The following VGLL3 variants were observed in gnomAD, a reference collection of about 807,000 sequenced individuals.
VGLL3 encodes transcription cofactor vestigial-like protein 3.
Under a neutral mutation model 29.2 loss-of-function variants are expected in VGLL3, and 18 were observed. The ratio of observed to expected loss-of-function variants is 0.62; its 90% CI spans 0.43 to 0.91. The LOEUF (loss-of-function observed/expected upper bound fraction) is 0.91. Ranked by LOEUF, VGLL3 falls within the 40% of genes least tolerant of loss-of-function variation. The pLI is 0.00. For synonymous variants in VGLL3, 180 were observed against 151.8 expected (o/e 1.19, Z -1.36); for missense variants, 440 against 413.2 (o/e 1.06, Z -0.56).
At chr3:86,967,336 C>G (rs1038133200) in intron 3 of VGLL3, among the ~76,000 whole-genome samples, 8 of 152,152 alleles carry the variant, frequency 5.3e-5, no homozygotes, top group South Asian at 2.1e-4. Context: ...AGAAGGGAAG[C>G]CTGTGCCTGC....
At chr3:86,978,385 G>C in intron 2 of VGLL3, 141 bp downstream of exon 2, 2 of 999,930 alleles carry the variant, frequency 2.0e-6, no homozygotes, top group East Asian at 4.9e-5. Context: ...CTGTTTGTCT[G>C]AAAGAAATTC....
At chr3:86,976,726 T>C (rs564927664) in intron 2 of VGLL3, among the ~76,000 whole-genome samples, 1 of 152,334 alleles carries the variant, frequency 6.6e-6, no homozygotes, top group South Asian at 2.1e-4. Context: ...ATTTTGAATA[T>C]GATTCTATAG....
chr3:86,964,627 T>C (rs143378940), intron 3 of VGLL3, among the ~76,000 whole-genome samples: 23 of 152,258 alleles, frequency 1.5e-4, no homozygotes, highest in African/African-American at 5.3e-4. Flanking sequence ...TTAGTGCCCT[T>C]ATAAAAGAGA....
chr3:86,945,115 G>A lies in VGLL3; in HGVS notation c.*1909C>T, dbSNP rs187633954. 2.6e-5 allele frequency: 4 copies of A among 152,136 alleles called. No homozygotes were observed. Among genetic ancestry groups the A allele is most frequent in the African/African-American group, 7.2e-5 (3 of 41,418 alleles). 9.4% of individuals were successfully genotyped at this position (152,136 alleles called of 1,614,324 possible). A position where few individuals can be genotyped will look rare whatever the true frequency, so the allele number is the denominator to read the frequency against. On this transcript the variant is annotated 3_prime_UTR_variant, in exon 4 of 4. Coordinates refer to ENST00000398399, the MANE Select transcript of VGLL3 (RefSeq NM_016206.4). ...AGTTCATATTATTAGTGAGTGGAAG[G>A]TATCTTAAATTTGGACCCCACAATG...
intron 3 of VGLL3, among the ~76,000 whole-genome samples, chr3:86,965,003 C>G (rs564085746): frequency 1.9e-4 from 29 of 151,866 alleles, no homozygotes; most frequent in African/African-American, 7.0e-4. Context: ...ACTAAAAATA[C>G]AAAATTAGCC....
intron 3 of VGLL3, among the ~76,000 whole-genome samples, chr3:86,961,610 C>T (rs1191056861): frequency 2.0e-5 from 3 of 152,148 alleles, no homozygotes; most frequent in African/African-American, 7.2e-5. Context: ...ATTTAACTCT[C>T]TCCTTCCTTA....
Position 86,990,946 on chromosome 3 carries a change from C to A in VGLL3, c.-203G>T. On this transcript the variant is annotated 5_prime_UTR_variant, in exon 1 of 4. Transcript: ENST00000398399. ...CTGGCAATCAGCGGGGGCCCATGCG[C>A]GGGCACCTTCATCTTCAGCCCCTCC... The A allele has an allele frequency of 9.3e-7, 1 of 1,075,644 alleles. No homozygotes were observed. The highest frequency in any genetic ancestry group is 1.7e-5 in the African/African-American group (1 of 59,636). 66.6% of individuals were successfully genotyped at this position (1,075,644 alleles called of 1,614,324 possible). A position where few individuals can be genotyped will look rare whatever the true frequency, so the allele number is the denominator to read the frequency against.
chr3:86,987,482 G>A (rs1199536651), intron 1 of VGLL3, among the ~76,000 whole-genome samples: 2 of 152,112 alleles, frequency 1.3e-5, no homozygotes, highest in African/African-American at 4.8e-5. Context: ...GAAAACCAGT[G>A]ACTGTTCTCT....
rs1704486434 is a variant in VGLL3 at position 86,945,399 on chromosome 3, A to T, written c.*1625T>A. ...GATAGAAAGTGGCATTTCACTGAAC[A>T]TACTATTTTATGTGGGTGGAGAGAA... On this transcript the variant is annotated 3_prime_UTR_variant, in exon 4 of 4. Coordinates refer to ENST00000398399, the MANE Select transcript of VGLL3 (RefSeq NM_016206.4). 6.6e-6 allele frequency: 1 copy of T among 152,154 alleles called. No homozygotes were observed. The highest frequency in any genetic ancestry group is 2.1e-4 in the South Asian group (1 of 4,838). The allele number at this position is 152,154 out of a possible 1,614,324, so 9.4% of individuals were successfully genotyped here. A position where few individuals can be genotyped will look rare whatever the true frequency, so the allele number is the denominator to read the frequency against.
At chr3:86,975,212 G>A (rs1705182797) in intron 2 of VGLL3, among the ~76,000 whole-genome samples, 1 of 152,138 alleles carries the variant, frequency 6.6e-6, no homozygotes, top group African/African-American at 2.4e-5. Flanking sequence ...TTCCAATCCT[G>A]TGTAGCTTTG....
chr3:86,985,063 G>T (rs1705409139), intron 1 of VGLL3, among the ~76,000 whole-genome samples: 1 of 152,114 alleles, frequency 6.6e-6, no homozygotes, highest in African/African-American at 2.4e-5. Flanking sequence ...TGAAGCTTCT[G>T]GCCCTTAGCT....
chr3:86,988,640 CAAAAAAAAAAAAAA>C (rs869098443), intron 1 of VGLL3, among the ~76,000 whole-genome samples: 26 of 13,740 alleles, frequency 1.9e-3, no homozygotes, highest in Non-Finnish European at 4.9e-3. Context: ...TTTACTTGAC[CAAAAAAAAAAAAAA>C]AAAAAAAAAA....
rs1704362327 is a variant in VGLL3, at chr3:86,940,099, G to A, written c.*6925C>T. 6.6e-6 allele frequency: 1 copy of A among 152,130 alleles called. No individual in the cohort carries two copies. Among genetic ancestry groups the A allele is most frequent in the Admixed American group, 6.5e-5 (1 of 15,274 alleles). 9.4% of individuals were successfully genotyped at this position (152,130 alleles called of 1,614,324 possible). A position where few individuals can be genotyped will look rare whatever the true frequency, so the allele number is the denominator to read the frequency against. ...GCCAAATTATTTCATCTGTAATGCTGGAAAGTCTATTATTTAAATGCTGAT... is the reference window on the plus strand; with the variant it reads ...GCCAAATTATTTCATCTGTAATGCTAGAAAGTCTATTATTTAAATGCTGAT... On this transcript the variant is annotated 3_prime_UTR_variant, in exon 4 of 4. Coordinates refer to ENST00000398399, the MANE Select transcript of VGLL3 (RefSeq NM_016206.4).
In VGLL3 at chr3:86,944,990, G is replaced by T. The variant is rs190747518; in HGVS notation, c.*2034C>A. On this transcript the variant is annotated 3_prime_UTR_variant, in exon 4 of 4. Transcript: ENST00000398399. ...GATTTATAAATTCACTAAATTTTGT[G>T]CTCCATGTATTTGGGCAAATTATAA... 10 of 152,242 alleles carry T rather than the reference G, an allele frequency of 6.6e-5. No homozygotes were observed. The East Asian group carries it at 1.9e-3, about 29-fold the overall frequency. 9.4% of individuals were successfully genotyped at this position (152,242 alleles called of 1,614,324 possible).
In VGLL3 at chr3:86,968,811, CGGTGGT is replaced by C; in HGVS notation, c.710_715del (p.His237_His238del). 2 of 1,613,924 alleles carry C rather than the reference CGGTGGT, an allele frequency of 1.2e-6. No homozygotes were observed. Among genetic ancestry groups the C allele is most frequent in the Non-Finnish European group, 1.7e-6 (2 of 1,179,956 alleles). ...GTGATGGTGATGATGGTGGCGGTGGCGGTGGTGCATGTGGGCATGAGGGTGGTGGTG... is the reference window on the plus strand; with the variant it reads ...GTGATGGTGATGATGGTGGCGGTGGCGCATGTGGGCATGAGGGTGGTGGTG... On this transcript the variant is annotated inframe_deletion, in exon 3 of 4. Transcript: ENST00000398399.
intron 3 of VGLL3, among the ~76,000 whole-genome samples, chr3:86,948,887 T>G (rs2106960273): frequency 6.6e-6 from 1 of 152,336 alleles, no homozygotes; most frequent in Non-Finnish European, 1.5e-5. Context: ...TTCAAATGGT[T>G]TTCTGGTTAG....
chr3:86,988,538 T>C (rs1307380497), intron 1 of VGLL3, among the ~76,000 whole-genome samples: 1 of 149,602 alleles, frequency 6.7e-6, no homozygotes, highest in Non-Finnish European at 1.5e-5. Flanking sequence ...ATGTAGGTCA[T>C]CAAAATAAAC....
intron 2 of VGLL3, among the ~76,000 whole-genome samples, chr3:86,974,702 A>G (rs1705172538): frequency 6.6e-6 from 1 of 152,196 alleles, no homozygotes; most frequent in Admixed American, 6.5e-5. Context: ...TCAGTTATTA[A>G]ATTTGTTTGT....
chr3:86,980,529 T>C (rs953706577), intron 1 of VGLL3, among the ~76,000 whole-genome samples: 4 of 152,152 alleles, frequency 2.6e-5, no homozygotes, highest in African/African-American at 7.2e-5. Flanking sequence ...TGCTGATGAA[T>C]AGATGATTGC....
Sources: gnomAD v4.1 joint callset for allele counts (sites outside exome capture counted in the v4.1 genomes callset) on GRCh38, gnomAD v4.1.1 for gene constraint, MANE v1.5 for transcripts, NCBI Gene and HGNC (gene_info 2026-07-23, HGNC 2026-07-21) for gene names.